CDH13: variants seen among roughly 807,000 people sequenced by gnomAD.
CDH13 encodes the protein cadherin 13.
A neutral mutation model predicts 63.8 loss-of-function variants in CDH13; 24 were observed. That is an observed-to-expected ratio of 0.38 (90% CI 0.27 to 0.53). The LOEUF is 0.53. CDH13 is among the 20% of genes least tolerant of loss of function. The pLI is 0.85. For synonymous variants in CDH13, 503 were observed against 355.3 expected (o/e 1.42, Z -4.67); for missense variants, 1,049 against 903.1 (o/e 1.16, Z -2.07).
intron 8 of CDH13, 56 bp downstream of exon 8, chr16:83,602,650 T>C (rs1370696536): frequency 3.8e-6 from 6 of 1,574,164 alleles, no homozygotes; most frequent in East Asian, 4.5e-5. Flanking sequence ...CAATTACTGA[T>C]TGATGTTAAT....
At chr16:82,882,865 A>T (rs762905039) in intron 2 of CDH13, among the ~76,000 whole-genome samples, 1 of 152,034 alleles carries the variant, frequency 6.6e-6, no homozygotes, top group Non-Finnish European at 1.5e-5. Context: ...ATATTAGGAG[A>T]AAAAAAGGAT....
chr16:83,691,284 G>A (rs1453700330), intron 10 of CDH13, among the ~76,000 whole-genome samples: 1 of 152,118 alleles, frequency 6.6e-6, no homozygotes, highest in Non-Finnish European at 1.5e-5. Context: ...TTGAGTTTGA[G>A]GTAGACAAAG....
intron 7 of CDH13, among the ~76,000 whole-genome samples, chr16:83,535,230 G>A (rs1346445091): frequency 1.3e-5 from 2 of 152,242 alleles, no homozygotes; most frequent in Non-Finnish European, 1.5e-5. Context: ...GTATGTGCAA[G>A]AAGAAAAGAG....
chr16:83,292,907 C>T (rs1052452853), intron 5 of CDH13, among the ~76,000 whole-genome samples: 2 of 152,120 alleles, frequency 1.3e-5, no homozygotes, highest in Non-Finnish European at 2.9e-5. Flanking sequence ...CAGAAAACAG[C>T]ATTTTACAAT....
chr16:82,930,039 C>CTTTTTT (rs71146098), intron 2 of CDH13, among the ~76,000 whole-genome samples: 6 of 94,744 alleles, frequency 6.3e-5, no homozygotes, highest in Non-Finnish European at 8.2e-5. Context: ...TAGTTTGTCT[C>CTTTTTT]TTTTTTTTTT....
chr16:82,863,676 C>G (rs1400713515), intron 2 of CDH13, among the ~76,000 whole-genome samples: 1 of 152,152 alleles, frequency 6.6e-6, no homozygotes. Flanking sequence ...CTTATAATTT[C>G]TGCTGTTACT....
chr16:83,452,048 C>A (rs1220609813), intron 6 of CDH13, among the ~76,000 whole-genome samples: 1 of 152,154 alleles, frequency 6.6e-6, no homozygotes, highest in African/African-American at 2.4e-5. Flanking sequence ...TGAGCCTCAT[C>A]TGCCCGGTCA....
chr16:82,929,646 C>A (rs1384894632), intron 2 of CDH13, among the ~76,000 whole-genome samples: 3 of 51,196 alleles, frequency 5.9e-5, no homozygotes, highest in African/African-American at 1.4e-4. Flanking sequence ...AGTGAGACTC[C>A]ATCTCAAAAA....
chr16:83,103,482 G>C (rs1009004301), intron 3 of CDH13, among the ~76,000 whole-genome samples: 1 of 151,988 alleles, frequency 6.6e-6, no homozygotes, highest in Non-Finnish European at 1.5e-5. Context: ...CTGACCTCAA[G>C]TGATCCACCC....
At chr16:82,731,135 A>G (rs1273858953) in intron 1 of CDH13, among the ~76,000 whole-genome samples, 1 of 152,182 alleles carries the variant, frequency 6.6e-6, no homozygotes, top group Non-Finnish European at 1.5e-5. Flanking sequence ...GAACTGGCAA[A>G]CACCTCAGGG....
At chr16:83,327,587 C>T (rs995371810) in intron 5 of CDH13, among the ~76,000 whole-genome samples, 1 of 152,180 alleles carries the variant, frequency 6.6e-6, no homozygotes, top group Non-Finnish European at 1.5e-5. Context: ...GAGAGCTTAC[C>T]TTCTAGTAGG....
In CDH13 at chr16:83,719,970, C is replaced by G. The variant is rs183326478; in HGVS notation, c.1539-28138C>G. 1.6e-3 allele frequency among the ~76,000 whole-genome samples: 251 copies of G among 152,262 alleles called. 2 individuals are homozygous for G. The highest frequency in any genetic ancestry group is 5.6e-3 in the African/African-American group (231 of 41,560). ...ACATCTCCCTGCACACACTGTGAGG[C>G]CTTGCAAGGGCTACTGCACATCAGC... On this transcript the variant is annotated intron_variant, in intron 10 of 13. Transcript: ENST00000567109.
intron 7 of CDH13, among the ~76,000 whole-genome samples, chr16:83,573,138 A>C (rs893932334): frequency 4.6e-5 from 7 of 152,228 alleles, no homozygotes; most frequent in African/African-American, 1.7e-4. Context: ...GCTGCCAAGA[A>C]ATTTAAAGAA....
At chr16:82,952,549 A>G (rs770429615) in intron 2 of CDH13, among the ~76,000 whole-genome samples, 3 of 152,232 alleles carry the variant, frequency 2.0e-5, no homozygotes, top group Admixed American at 6.5e-5. Flanking sequence ...GAGAATAACC[A>G]TAACTTTTCT....
At chr16:82,996,026 G>C (rs1357936093) in intron 2 of CDH13, among the ~76,000 whole-genome samples, 2 of 152,072 alleles carry the variant, frequency 1.3e-5, no homozygotes, top group African/African-American at 4.8e-5. Flanking sequence ...CCATCTTCCT[G>C]TTTTCTCCCT....
At chr16:83,513,667 T>G (rs967200625) in intron 7 of CDH13, among the ~76,000 whole-genome samples, 2 of 152,016 alleles carry the variant, frequency 1.3e-5, no homozygotes, top group East Asian at 3.9e-4. Context: ...GAAAACTCAT[T>G]CACTATCATG....
chr16:83,387,355 G>A (rs1422864833), intron 6 of CDH13, among the ~76,000 whole-genome samples: 6 of 151,996 alleles, frequency 3.9e-5, no homozygotes, highest in East Asian at 3.9e-4. Flanking sequence ...AGCAGGTTTC[G>A]GCTCACTTCT....
At chr16:83,671,537 C>T (rs1278646031) in intron 9 of CDH13, among the ~76,000 whole-genome samples, 1 of 152,180 alleles carries the variant, frequency 6.6e-6, no homozygotes, top group Non-Finnish European at 1.5e-5. Flanking sequence ...GTGTGAGCCA[C>T]CATGCCTGGC....
chr16:82,792,653 A>T (rs1412272410), intron 1 of CDH13, among the ~76,000 whole-genome samples: 1 of 152,196 alleles, frequency 6.6e-6, no homozygotes. Flanking sequence ...GTGGACCTTC[A>T]TTCAGGGTGA....
Sources: allele counts gnomAD v4.1 joint callset (sites outside exome capture counted in the v4.1 genomes callset), GRCh38; gene constraint gnomAD v4.1.1; transcripts MANE v1.5; gene names NCBI Gene and HGNC (gene_info 2026-07-23, HGNC 2026-07-21).